Variants in AK9 observed in about 807,000 individuals in gnomAD.
The protein encoded by AK9 is adenylate kinase 9.
In AK9, 191 loss-of-function variants were observed where a neutral mutation model predicts 239.6. The ratio of observed to expected loss-of-function variants is 0.80; its 90% CI spans 0.71 to 0.90. The LOEUF is 0.90. Among genes scored for constraint, AK9 ranks in the 40% least tolerant of loss-of-function variants. AK9 has a pLI of 0.00. For missense variants in AK9, 1,995 were observed against 2,214.7 expected (o/e 0.90, Z 1.99); for synonymous variants, 689 against 721.0 (o/e 0.96, Z 0.71).
intron 15 of AK9, among the ~76,000 whole-genome samples, chr6:109,612,495 C>T (rs1199314563): frequency 1.3e-5 from 2 of 152,166 alleles, no homozygotes; most frequent in African/African-American, 2.4e-5. Flanking sequence ...CTGCCTGCTT[C>T]TAACTTGGAC....
In AK9 at chr6:109,630,324, T is replaced by G. The variant is rs1056813268; in HGVS notation, c.1254+2599A>C. On this transcript the variant is annotated intron_variant, in intron 12 of 40. Coordinates refer to ENST00000424296, the MANE Select transcript of AK9 (RefSeq NM_001145128.3). ...TTATGGACCAGAAGAGTCAATATTGTAAAGATGTCCATTCCTCCAACTGAT... is the reference window on the plus strand; with the variant it reads ...TTATGGACCAGAAGAGTCAATATTGGAAAGATGTCCATTCCTCCAACTGAT... Among the ~76,000 whole-genome samples, 72 of 152,276 alleles carry G rather than the reference T, an allele frequency of 4.7e-4. 1 individual carries two copies. The highest frequency in any genetic ancestry group is 1.7e-3 in the African/African-American group (71 of 41,554).
intron 21 of AK9, among the ~76,000 whole-genome samples, chr6:109,568,899 T>C (rs1335492284): frequency 1.3e-5 from 2 of 152,190 alleles, no homozygotes; most frequent in African/African-American, 2.4e-5. Flanking sequence ...AAGCTACCAA[T>C]GACTTTCTTC....
chr6:109,589,713 C>T (rs1208796624), intron 17 of AK9, among the ~76,000 whole-genome samples: 2 of 152,030 alleles, frequency 1.3e-5, no homozygotes, highest in African/African-American at 4.8e-5. Flanking sequence ...TTATATACGG[C>T]CTTTATTATT....
At chr6:109,666,408 CAT>C (rs948746357) in intron 5 of AK9, among the ~76,000 whole-genome samples, 2 of 152,202 alleles carry the variant, frequency 1.3e-5, no homozygotes, top group African/African-American at 4.8e-5. Flanking sequence ...TCCCACCCCA[CAT>C]GTCCTTGAGA....
chr6:109,626,508 G>A (rs1006377402), intron 12 of AK9, among the ~76,000 whole-genome samples: 1 of 152,118 alleles, frequency 6.6e-6, no homozygotes, highest in Admixed American at 6.5e-5. Flanking sequence ...GCTTAACAAT[G>A]GGGATACATT....
At chr6:109,689,279 G>A (rs1055749718) in intron 1 of AK9, among the ~76,000 whole-genome samples, 1 of 152,204 alleles carries the variant, frequency 6.6e-6, no homozygotes, top group African/African-American at 2.4e-5. Context: ...TGATGTGGAG[G>A]AAGAATGGAT....
intron 8 of AK9, among the ~76,000 whole-genome samples, chr6:109,645,213 G>A (rs1797894987): frequency 6.6e-6 from 1 of 152,226 alleles, no homozygotes; most frequent in African/African-American, 2.4e-5. Context: ...TGGTTGGACA[G>A]TGGGTGCAGC....
intron 8 of AK9, among the ~76,000 whole-genome samples, chr6:109,647,126 G>GA (rs1214028879): frequency 6.6e-6 from 1 of 151,722 alleles, no homozygotes; most frequent in African/African-American, 2.4e-5. Context: ...AACAGTCACT[G>GA]AAAAAACATG....
At chr6:109,540,457 C>G (rs1460002524) in intron 27 of AK9, among the ~76,000 whole-genome samples, 1 of 152,172 alleles carries the variant, frequency 6.6e-6, no homozygotes, top group Non-Finnish European at 1.5e-5. Flanking sequence ...TGGAAAAGCA[C>G]AGTATTAGGG....
intron 10 of AK9, among the ~76,000 whole-genome samples, chr6:109,636,399 C>T (rs1471760055): frequency 6.6e-6 from 1 of 151,918 alleles, no homozygotes; most frequent in Non-Finnish European, 1.5e-5. Context: ...TTAATTGTGG[C>T]AAAATACACA....
chr6:109,649,094 AAAT>A (rs2128299292), intron 8 of AK9, among the ~76,000 whole-genome samples: 1 of 152,186 alleles, frequency 6.6e-6, no homozygotes, highest in East Asian at 1.9e-4. Context: ...ACATATCTCA[AAAT>A]AATAAGAGTT....
rs36086518 is a variant in AK9, at chr6:109,500,034, T to TACACACACACACAC, written c.4850-808_4850-795dup. ...TAGCTATTATAGACTATATATATGA[T>TACACACACACACAC]ACACACACACACACACACACACACA... On this transcript the variant is annotated intron_variant, in intron 35 of 40. Transcript: ENST00000424296. Among the ~76,000 whole-genome samples, 754 of 141,446 alleles carry TACACACACACACAC rather than the reference T, an allele frequency of 5.3e-3. 4 individuals are homozygous for TACACACACACACAC. Among genetic ancestry groups the TACACACACACACAC allele is most frequent in the South Asian group, 0.016 (68 of 4,178 alleles). 92.8% of individuals were successfully genotyped at this position (141,446 alleles called of 152,430 possible).
chr6:109,658,911 T>C (rs1166507982), intron 7 of AK9, among the ~76,000 whole-genome samples: 2 of 152,144 alleles, frequency 1.3e-5, no homozygotes. Context: ...TCTAACTTCT[T>C]ATTCTACCTT....
At chr6:109,623,243 C>G (rs1042923381) in intron 12 of AK9, among the ~76,000 whole-genome samples, 1 of 152,108 alleles carries the variant, frequency 6.6e-6, no homozygotes, top group Admixed American at 6.6e-5. Context: ...TTTTGACACA[C>G]CTCCCTTCAG....
chr6:109,511,078 T>C (rs925193559), intron 32 of AK9, among the ~76,000 whole-genome samples: 6 of 145,438 alleles, frequency 4.1e-5, no homozygotes, highest in Admixed American at 1.4e-4. Context: ...TTTTTTTTTT[T>C]CCTTAACAAA....
In AK9 at chr6:109,557,064, C is replaced by T. The variant is rs191197342; in HGVS notation, c.2751+6533G>A. Among the ~76,000 whole-genome samples the T allele has an allele frequency of 1.3e-3, 193 of 152,152 alleles. 2 individuals carry two copies. Among genetic ancestry groups the T allele is most frequent in the South Asian group, 7.9e-3 (38 of 4,820 alleles). On this transcript the variant is annotated intron_variant, in intron 24 of 40. Transcript: ENST00000424296. The stretch of plus-strand genomic sequence containing the variant: ...GCAATCATTTGGAGGAGAAGATGCA[C>T]TCTGACCTTTTGGGTTTTCAGCATT...
At chr6:109,599,478 C>G (rs1262426673) in intron 17 of AK9, among the ~76,000 whole-genome samples, 1 of 152,154 alleles carries the variant, frequency 6.6e-6, no homozygotes, top group Non-Finnish European at 1.5e-5. Flanking sequence ...GTTACTGTAG[C>G]CTTGTAGTAT....
At chr6:109,556,495 A>G (rs1333724284) in intron 24 of AK9, among the ~76,000 whole-genome samples, 2 of 151,748 alleles carry the variant, frequency 1.3e-5, no homozygotes, top group Admixed American at 6.6e-5. Flanking sequence ...TTTGGGGTTG[A>G]TCTCATGGAG....
intron 2 of AK9, 62 bp from the exon 3 acceptor site, chr6:109,674,323 C>T: frequency 1.7e-6 from 2 of 1,201,186 alleles, no homozygotes; most frequent in Non-Finnish European, 2.3e-6. Context: ...GACACAGATA[C>T]AGCAATTTTT....
Sources: allele counts gnomAD v4.1 joint callset (sites outside exome capture counted in the v4.1 genomes callset), GRCh38; gene constraint gnomAD v4.1.1; transcripts MANE v1.5; gene names NCBI Gene and HGNC (gene_info 2026-07-23, HGNC 2026-07-21).